The following SLC14A2 variants were observed in gnomAD, a reference collection of about 807,000 sequenced individuals.
SLC14A2 encodes the protein urea transporter 2.
In SLC14A2, 91 loss-of-function variants were observed where a neutral mutation model predicts 104.6. The observed-to-expected ratio is 0.87, with a 90% confidence interval of 0.73 to 1.04. The LOEUF (loss-of-function observed/expected upper bound fraction) is 1.04, where lower values mean the gene tolerates loss of function less well. SLC14A2 is among the 50% of genes least tolerant of loss of function. The pLI, the probability that SLC14A2 is intolerant of heterozygous loss-of-function variation, is 0.00. For synonymous variants in SLC14A2, 476 were observed against 466.4 expected (o/e 1.02, Z -0.27); for missense variants, 1,189 against 1,156.0 (o/e 1.03, Z -0.41).
At chr18:45,649,431 A>C (rs892755925) in intron 10 of SLC14A2, among the ~76,000 whole-genome samples, 1 of 152,142 alleles carries the variant, frequency 6.6e-6, no homozygotes, top group African/African-American at 2.4e-5. Context: ...CCCTTGCAAT[A>C]TGCCTCTTCT....
intron 1 of SLC14A2, among the ~76,000 whole-genome samples, chr18:45,450,239 T>C (rs1435928690): frequency 1.3e-5 from 2 of 152,204 alleles, no homozygotes; most frequent in African/African-American, 4.8e-5. Context: ...TCTAGCCTCA[T>C]TTGATCTTTG....
intron 1 of SLC14A2, among the ~76,000 whole-genome samples, chr18:45,402,807 C>T (rs185027361): frequency 8.1e-4 from 124 of 152,308 alleles, no homozygotes; most frequent in Non-Finnish European, 1.4e-3. Flanking sequence ...AATAGTGAAG[C>T]TGTAGCAAGA....
intron 1 of SLC14A2, among the ~76,000 whole-genome samples, chr18:45,409,726 C>T (rs935792327): frequency 2.6e-5 from 4 of 152,038 alleles, no homozygotes; most frequent in African/African-American, 9.7e-5. Context: ...ATGATTTGTG[C>T]TTTTGTTTTA....
chr18:45,452,455 A>G (rs1347291812), intron 1 of SLC14A2, among the ~76,000 whole-genome samples: 1 of 152,168 alleles, frequency 6.6e-6, no homozygotes, highest in Non-Finnish European at 1.5e-5. Context: ...GGAATTTAGT[A>G]TTTCTTACTG....
At chr18:45,474,005 G>T (rs1416442180) in intron 1 of SLC14A2, among the ~76,000 whole-genome samples, 1 of 152,146 alleles carries the variant, frequency 6.6e-6, no homozygotes, top group Non-Finnish European at 1.5e-5. Flanking sequence ...TATGATATTG[G>T]CTGTGGGTTT....
At chr18:45,260,879 C>G (rs1450205415) in intron 1 of SLC14A2, among the ~76,000 whole-genome samples, 1 of 152,066 alleles carries the variant, frequency 6.6e-6, no homozygotes, top group African/African-American at 2.4e-5. Flanking sequence ...AAAAACTATG[C>G]ATTGGGTATG....
intron 1 of SLC14A2, among the ~76,000 whole-genome samples, chr18:45,616,274 C>T (rs988230085): frequency 6.6e-6 from 1 of 152,236 alleles, no homozygotes; most frequent in African/African-American, 2.4e-5. Context: ...GCAGACTCTA[C>T]ATTTCTTCCC....
intron 1 of SLC14A2, among the ~76,000 whole-genome samples, chr18:45,468,103 CT>C (rs1355314388): frequency 6.6e-6 from 1 of 152,132 alleles, no homozygotes; most frequent in African/African-American, 2.4e-5. Context: ...GCTGGAGGAT[CT>C]TCATTTGCTG....
intron 1 of SLC14A2, among the ~76,000 whole-genome samples, chr18:45,346,686 G>A (rs1203875123): frequency 2.7e-4 from 41 of 152,154 alleles, no homozygotes; most frequent in Admixed American, 2.7e-3. Context: ...CTAGCACTTT[G>A]AGAGGCCAAG....
intron 2 of SLC14A2, among the ~76,000 whole-genome samples, chr18:45,504,577 G>A (rs1050340917): frequency 6.6e-6 from 1 of 152,154 alleles, no homozygotes; most frequent in African/African-American, 2.4e-5. Context: ...GCCTTATGTG[G>A]ATAAGTCTTT....
chr18:45,356,758 T>G lies in SLC14A2; in HGVS notation c.-124-126475T>G, dbSNP rs556640102. On this transcript the variant is annotated intron_variant, in intron 1 of 20. Coordinates refer to the SLC14A2 transcript ENST00000586448. Reference sequence around the variant, plus strand: ...AGCTTTTACAAAAATATAGGCCTATTGAATCAGAAACTCTGGGTAGTGTCT... The same window carrying G: ...AGCTTTTACAAAAATATAGGCCTATGGAATCAGAAACTCTGGGTAGTGTCT... Among the ~76,000 whole-genome samples, 16 of 152,328 alleles carry G rather than the reference T, an allele frequency of 1.1e-4. No individual in the cohort carries two copies. The South Asian group carries it at 3.3e-3, about 32-fold the overall frequency.
chr18:45,203,008 G>A, the SLC14A2 span, among the ~76,000 whole-genome samples: 1 of 152,336 alleles, frequency 6.6e-6, no homozygotes, highest in East Asian at 1.9e-4. Flanking sequence ...TCTGGCTGGG[G>A]CCGCTGAGTT....
At chr18:45,506,676 T>C (rs1025313753) in intron 2 of SLC14A2, among the ~76,000 whole-genome samples, 48 of 152,122 alleles carry the variant, frequency 3.2e-4, no homozygotes, top group African/African-American at 1.1e-3. Context: ...CCAGAAAATT[T>C]TTTCTCTAGT....
chr18:45,289,980 T>A (rs1277670408), intron 1 of SLC14A2, among the ~76,000 whole-genome samples: 3 of 152,218 alleles, frequency 2.0e-5, no homozygotes, highest in African/African-American at 7.2e-5. Flanking sequence ...ACAGATTAAA[T>A]GAGTTATTGA....
chr18:45,373,758 A>G (rs1396266036), intron 1 of SLC14A2, among the ~76,000 whole-genome samples: 2 of 152,216 alleles, frequency 1.3e-5, no homozygotes, highest in African/African-American at 4.8e-5. Flanking sequence ...ACAGCCTGTG[A>G]TCACATACCA....
chr18:45,628,945 G>A (rs1266575604), intron 4 of SLC14A2, among the ~76,000 whole-genome samples: 1 of 152,218 alleles, frequency 6.6e-6, no homozygotes, highest in Admixed American at 6.5e-5. Context: ...GAAGGGAACA[G>A]AGTCCACATC....
chr18:45,224,041 A>G (rs1020315292), intron 1 of SLC14A2, among the ~76,000 whole-genome samples: 2 of 152,220 alleles, frequency 1.3e-5, no homozygotes, highest in African/African-American at 4.8e-5. Context: ...TCTGGCCTCA[A>G]GAGAGTAATT....
chr18:45,448,195 T>G (rs1311249984), intron 1 of SLC14A2, among the ~76,000 whole-genome samples: 1 of 152,214 alleles, frequency 6.6e-6, no homozygotes, highest in Admixed American at 6.5e-5. Context: ...AGAAGCAAAA[T>G]AAAGGGGATT....
chr18:45,553,278 C>T (rs564612206), intron 2 of SLC14A2, among the ~76,000 whole-genome samples: 1 of 152,298 alleles, frequency 6.6e-6, no homozygotes, highest in South Asian at 2.1e-4. Flanking sequence ...ATTGTACATA[C>T]AAATAGTTGA....
Sources: allele counts gnomAD v4.1 joint callset (sites outside exome capture counted in the v4.1 genomes callset), GRCh38; gene constraint gnomAD v4.1.1; transcripts MANE v1.5; gene names NCBI Gene and HGNC (gene_info 2026-07-23, HGNC 2026-07-21).